METTL24: variants seen among roughly 807,000 people sequenced by gnomAD.
The protein encoded by METTL24 is probable methyltransferase-like protein 24.
METTL24 carries 29 observed loss-of-function variants against 32.7 expected under a neutral mutation model. The ratio of observed to expected loss-of-function variants is 0.89; its 90% CI spans 0.66 to 1.21. METTL24 has a LOEUF of 1.21. METTL24 is among the 50% of genes most tolerant of loss of function. The pLI is 0.00. For synonymous variants in METTL24, 163 were observed against 179.5 expected (o/e 0.91, Z 0.73); for missense variants, 439 against 468.1 (o/e 0.94, Z 0.57).
rs73763027 is a variant in METTL24 at position 110,315,555 on chromosome 6, C to G, written c.418-74G>C. ...AATAGCAGGTAGGGACTTATTGCTTCCCCATCCTTGAAAACCGTAATAGGA... is the reference window on the plus strand; with the variant it reads ...AATAGCAGGTAGGGACTTATTGCTTGCCCATCCTTGAAAACCGTAATAGGA... On this transcript the variant is annotated intron_variant, in intron 2 of 4. Coordinates refer to ENST00000338882, the MANE Select transcript of METTL24 (RefSeq NM_001123364.3). The G allele has an allele frequency of 2.0e-6, 3 of 1,505,494 alleles. No individual in the cohort carries two copies. The African/African-American group carries it at 4.1e-5, about 21-fold the overall frequency. 93.3% of individuals were successfully genotyped at this position (1,505,494 alleles called of 1,614,324 possible). A position where few individuals can be genotyped will look rare whatever the true frequency, so the allele number is the denominator to read the frequency against.
At chr6:110,355,356 T>C (rs1030130121) in intron 1 of METTL24, among the ~76,000 whole-genome samples, 1 of 152,176 alleles carries the variant, frequency 6.6e-6, no homozygotes, top group Non-Finnish European at 1.5e-5. Context: ...TTACAGTGAA[T>C]GACGTTTGGA....
At chr6:110,335,566 G>T (rs7767430) in intron 1 of METTL24, among the ~76,000 whole-genome samples, 682 of 66,046 alleles carry the variant, frequency 0.01, 25 homozygotes, top group Middle Eastern at 0.041. Context: ...GGGAATCATT[G>T]TTTTTTTTTT....
At chr6:110,348,859 C>G (rs1023728360) in intron 1 of METTL24, among the ~76,000 whole-genome samples, 11 of 152,232 alleles carry the variant, frequency 7.2e-5, no homozygotes, top group Non-Finnish European at 1.6e-4. Flanking sequence ...CACCTCTGCT[C>G]TGTGCAAAGA....
At chr6:110,337,170 A>G (rs1772253411) in intron 1 of METTL24, among the ~76,000 whole-genome samples, 1 of 152,232 alleles carries the variant, frequency 6.6e-6, no homozygotes, top group African/African-American at 2.4e-5. Context: ...CTAATGCAGG[A>G]ATAGAAAACC....
At chr6:110,296,387 A>G (rs749587920) in intron 4 of METTL24, among the ~76,000 whole-genome samples, 5 of 152,226 alleles carry the variant, frequency 3.3e-5, no homozygotes, top group Non-Finnish European at 7.3e-5. Context: ...ATCATTTCAC[A>G]TAATGCTGGA....
At chr6:110,280,708 C>T (rs898890710) in intron 4 of METTL24, among the ~76,000 whole-genome samples, 40 of 151,292 alleles carry the variant, frequency 2.6e-4, no homozygotes, top group African/African-American at 8.5e-4. Context: ...GGCTAGAATG[C>T]ATGCAGTGAT....
In METTL24 at chr6:110,246,139, C is replaced by A; in HGVS notation, c.908G>T (p.Gly303Val). 1 of 1,614,168 alleles carries A rather than the reference C, an allele frequency of 6.2e-7. No homozygotes were observed. Among genetic ancestry groups the A allele is most frequent in the East Asian group, 2.2e-5 (1 of 44,876 alleles). ...GCTGTCACTGCCACTGACCTCAAAC[C>A]CAGGCCAGTGGAGATGGATCTCAAA... ...LIFEIHLHWP[G>V]FEVSGSDSSV... Residue 303 changes from glycine to valine, a missense_variant, in exon 5 of 5, where the codon GGG becomes GTG. Transcript: ENST00000338882.
chr6:110,349,915 T>C (rs7768215), intron 1 of METTL24, among the ~76,000 whole-genome samples: 137,291 of 152,184 alleles, frequency 0.9, 62,099 homozygotes, highest in African/African-American at 0.94. Context: ...CACCTCCAGA[T>C]ATGCCAGTGT....
chr6:110,322,274 C>A (rs1192896155), intron 2 of METTL24, among the ~76,000 whole-genome samples: 1 of 152,160 alleles, frequency 6.6e-6, no homozygotes. Flanking sequence ...AGATAGAGAG[C>A]CTTTGGATTC....
At chr6:110,254,050 C>A in intron 4 of METTL24, 1 of 935,196 alleles carries the variant, frequency 1.1e-6, no homozygotes, top group South Asian at 5.2e-5. Context: ...GGGAAAAGAG[C>A]TCTCCTGCTT....
intron 1 of METTL24, among the ~76,000 whole-genome samples, chr6:110,339,243 C>T (rs72935970): frequency 0.097 from 14,735 of 152,198 alleles, 773 homozygotes; most frequent in African/African-American, 0.14. Context: ...CTGTGCACTC[C>T]TGCAGCTAAC....
chr6:110,344,891 C>T (rs149265877), intron 1 of METTL24, among the ~76,000 whole-genome samples: 613 of 152,290 alleles, frequency 4.0e-3, no homozygotes, highest in African/African-American at 0.013. Context: ...ATGACAAAAA[C>T]GCCAAAAGCA....
intron 1 of METTL24, among the ~76,000 whole-genome samples, chr6:110,348,667 TTGG>T: frequency 6.6e-6 from 1 of 152,390 alleles, no homozygotes; most frequent in East Asian, 1.9e-4. Flanking sequence ...GAAAACATGT[TTGG>T]AGGTCGTTCA....
At chr6:110,351,511 C>G (rs761528825) in intron 1 of METTL24, among the ~76,000 whole-genome samples, 2 of 152,074 alleles carry the variant, frequency 1.3e-5, no homozygotes, top group East Asian at 3.9e-4. Flanking sequence ...CCAAAGCTAC[C>G]CTATACTCTG....
intron 3 of METTL24, among the ~76,000 whole-genome samples, chr6:110,304,996 G>A (rs1054771349): frequency 1.3e-5 from 2 of 152,076 alleles, no homozygotes; most frequent in South Asian, 2.1e-4. Context: ...AGACAGTGGG[G>A]GCCAATACTC....
At chr6:110,279,313 C>T (rs907038731) in intron 4 of METTL24, among the ~76,000 whole-genome samples, 2 of 152,072 alleles carry the variant, frequency 1.3e-5, no homozygotes, top group African/African-American at 4.8e-5. Context: ...CAAAGAGATA[C>T]CCTAAGTACC....
intron 4 of METTL24, among the ~76,000 whole-genome samples, chr6:110,265,937 GC>G (rs1288205734): frequency 3.5e-5 from 5 of 142,934 alleles, no homozygotes. Context: ...TTCTTGCTCT[GC>G]CAACCAGGCT....
intron 4 of METTL24, among the ~76,000 whole-genome samples, chr6:110,283,120 A>G (rs940522907): frequency 6.6e-6 from 1 of 152,198 alleles, no homozygotes; most frequent in Non-Finnish European, 1.5e-5. Context: ...TCTTTAAAGA[A>G]CAAAATTCTT....
At chr6:110,265,201 G>T (rs1331593434) in intron 4 of METTL24, among the ~76,000 whole-genome samples, 1 of 142,174 alleles carries the variant, frequency 7.0e-6, no homozygotes, top group Non-Finnish European at 1.6e-5. Flanking sequence ...AAGAAAGAAA[G>T]TTAATATCCC....
Sources: gnomAD v4.1 joint callset for allele counts (sites outside exome capture counted in the v4.1 genomes callset) on GRCh38, gnomAD v4.1.1 for gene constraint, MANE v1.5 for transcripts, NCBI Gene and HGNC (gene_info 2026-07-23, HGNC 2026-07-21) for gene names.